The following BABAM2 variants were observed in gnomAD, a reference collection of about 807,000 sequenced individuals.
The protein encoded by BABAM2 is BRISC and BRCA1-A complex member 2.
In BABAM2, 31 loss-of-function variants were observed where a neutral mutation model predicts 54.7. The observed-to-expected ratio is 0.57, with a 90% CI of 0.43 to 0.77. The LOEUF (loss-of-function observed/expected upper bound fraction) is 0.77. Among genes scored for constraint, BABAM2 ranks in the 30% least tolerant of loss-of-function variants. The pLI, the probability that BABAM2 is intolerant of heterozygous loss-of-function variation, is 0.00. For missense variants in BABAM2, 364 were observed against 455.8 expected (o/e 0.80, Z 1.83); for synonymous variants, 167 against 162.9 (o/e 1.03, Z -0.19).
At chr2:28,057,408 T>C (rs1042495149) in intron 6 of BABAM2, among the ~76,000 whole-genome samples, 1 of 152,194 alleles carries the variant, frequency 6.6e-6, no homozygotes, top group African/African-American at 2.4e-5. Context: ...CCTTGCAACC[T>C]ATGATCCAGA....
At chr2:28,258,469 A>G (rs1684157078) in intron 10 of BABAM2, among the ~76,000 whole-genome samples, 1 of 152,148 alleles carries the variant, frequency 6.6e-6, no homozygotes, top group Non-Finnish European at 1.5e-5. Flanking sequence ...TTTAGCCATT[A>G]TAGGATATAT....
chr2:27,960,220 A>G lies in BABAM2; in HGVS notation c.206-27773A>G, dbSNP rs563785884. 2.0e-5 allele frequency among the ~76,000 whole-genome samples: 3 copies of G among 152,178 alleles called. No homozygotes were observed. In the East Asian group the frequency reaches 5.8e-4, roughly 29 times the overall value. On this transcript the variant is annotated intron_variant, in intron 3 of 11. Transcript: ENST00000379624. ...TAGAAAGTATTCAGTTTTTTTCATG[A>G]ATTCCACAGGCTAATAAACTTGATT...
At chr2:28,222,290 G>A (rs1236335159) in intron 7 of BABAM2, among the ~76,000 whole-genome samples, 4 of 152,130 alleles carry the variant, frequency 2.6e-5, no homozygotes, top group Non-Finnish European at 5.9e-5. Context: ...GATTGATGGA[G>A]AGCCCAACCA....
At chr2:28,114,445 T>C (rs1668417521) in intron 6 of BABAM2, among the ~76,000 whole-genome samples, 1 of 152,228 alleles carries the variant, frequency 6.6e-6, no homozygotes, top group African/African-American at 2.4e-5. Context: ...CCTTTCCTCA[T>C]AGGGCTCTTG....
rs185551236 is a variant in BABAM2, at chr2:27,951,453, A to C, written c.205+21545A>C. Among the ~76,000 whole-genome samples, 960 of 152,228 alleles carry C rather than the reference A, an allele frequency of 6.3e-3. 6 individuals carry two copies. Among genetic ancestry groups the C allele is most frequent in the Non-Finnish European group, 7.9e-3 (534 of 67,988 alleles). On this transcript the variant is annotated intron_variant, in intron 3 of 11. Coordinates refer to ENST00000379624, the MANE Select transcript of BABAM2 (RefSeq NM_199191.3). ...TTTCTGGATCTTTTATTGAATTTGA[A>C]TTTAAGTTTATTGTGGTCAGAGAAC... is the stretch of plus-strand genomic sequence containing the variant.
Position 28,248,208 on chromosome 2 carries a change from T to TTTTTC in BABAM2, c.934+3350_934+3351insCTTTT, listed in dbSNP as rs1491322160. On this transcript the variant is annotated intron_variant, in intron 10 of 11. Transcript: ENST00000379624. Reference sequence around the variant, plus strand: ...GTAGCTTTTGTTTATTTTCTTTTTCTTTTTTTTTTTTTTTTTTTGAGACGG... The same window carrying TTTTTC: ...GTAGCTTTTGTTTATTTTCTTTTTCTTTTTCTTTTTTTTTTTTTTTTTTGAGACGG... 2.4e-3 allele frequency among the ~76,000 whole-genome samples: 41 copies of TTTTTC among 16,838 alleles called. No homozygotes were observed. In the East Asian group the frequency reaches 0.031, roughly 13 times the overall value. 11.0% of individuals were successfully genotyped at this position (16,838 alleles called of 152,430 possible). A position where few individuals can be genotyped will look rare whatever the true frequency, so the allele number is the denominator to read the frequency against.
chr2:28,077,628 T>C (rs1245093662), intron 6 of BABAM2, among the ~76,000 whole-genome samples: 4 of 152,176 alleles, frequency 2.6e-5, no homozygotes, highest in African/African-American at 7.2e-5. Context: ...ATACTCTTCA[T>C]TGTGGGTTGT....
chr2:28,026,938 A>T (rs1176724813), intron 5 of BABAM2, among the ~76,000 whole-genome samples: 4 of 11,030 alleles, frequency 3.6e-4, no homozygotes, highest in East Asian at 0.014. Context: ...ATATATATAT[A>T]AATATATATT....
At chr2:28,140,840 A>G (rs1472965554) in intron 7 of BABAM2, among the ~76,000 whole-genome samples, 2 of 152,182 alleles carry the variant, frequency 1.3e-5, no homozygotes, top group Non-Finnish European at 2.9e-5. Context: ...TTGTCCTGCC[A>G]TAGCAAAATA....
intron 4 of BABAM2, among the ~76,000 whole-genome samples, chr2:28,005,139 T>TA (rs1673866203): frequency 6.6e-6 from 1 of 152,192 alleles, no homozygotes; most frequent in East Asian, 1.9e-4. Context: ...GTTTATATAT[T>TA]TTTATTGATA....
chr2:27,965,034 G>A (rs1250428156), intron 3 of BABAM2, among the ~76,000 whole-genome samples: 2 of 152,182 alleles, frequency 1.3e-5, no homozygotes, highest in Non-Finnish European at 2.9e-5. Context: ...TATGTTTTAA[G>A]GGATAATTGT....
chr2:28,043,688 G>A (rs1387170470), intron 5 of BABAM2, among the ~76,000 whole-genome samples: 1 of 152,158 alleles, frequency 6.6e-6, no homozygotes, highest in Admixed American at 6.5e-5. Context: ...ACCAGAGTAT[G>A]TTAGTTTTAG....
At chr2:28,194,677 G>T (rs1466045721) in intron 7 of BABAM2, among the ~76,000 whole-genome samples, 2 of 149,888 alleles carry the variant, frequency 1.3e-5, no homozygotes, top group African/African-American at 4.9e-5. Context: ...CGCCTCCTGG[G>T]TTCAAGTGAT....
chr2:27,917,086 C>T (rs1019897174), intron 2 of BABAM2, among the ~76,000 whole-genome samples: 1 of 146,400 alleles, frequency 6.8e-6, no homozygotes, highest in Non-Finnish European at 1.5e-5. Flanking sequence ...GGCACGATCT[C>T]GGCTCACTGC....
intron 3 of BABAM2, among the ~76,000 whole-genome samples, chr2:27,949,338 G>C (rs1669534284): frequency 6.6e-6 from 1 of 152,130 alleles, no homozygotes; most frequent in Non-Finnish European, 1.5e-5. Context: ...TTTGAGACCA[G>C]GCTGGCCAAC....
chr2:28,254,049 T>C (rs1267984768), intron 10 of BABAM2, among the ~76,000 whole-genome samples: 2 of 152,234 alleles, frequency 1.3e-5, no homozygotes, highest in Non-Finnish European at 2.9e-5. Flanking sequence ...TCAGTTATAA[T>C]GGTTTGTCAT....
At chr2:28,056,439 G>T (rs527524243) in intron 6 of BABAM2, among the ~76,000 whole-genome samples, 12 of 152,032 alleles carry the variant, frequency 7.9e-5, no homozygotes, top group African/African-American at 2.7e-4. Flanking sequence ...TCCTCTTTTG[G>T]CTTTCTTTTG....
intron 3 of BABAM2, among the ~76,000 whole-genome samples, chr2:27,968,870 C>T (rs534128148): frequency 3.5e-4 from 53 of 152,210 alleles, no homozygotes; most frequent in African/African-American, 1.3e-3. Flanking sequence ...CTTTGGATGC[C>T]AAAATGAGTT....
At chr2:28,245,556 A>G (rs981680400) in intron 10 of BABAM2, among the ~76,000 whole-genome samples, 2 of 152,158 alleles carry the variant, frequency 1.3e-5, no homozygotes, top group Non-Finnish European at 2.9e-5. Flanking sequence ...GAGTCTTTTT[A>G]TTTCCTGATT....
Sources: allele counts gnomAD v4.1 joint callset (sites outside exome capture counted in the v4.1 genomes callset), GRCh38; gene constraint gnomAD v4.1.1; transcripts MANE v1.5; gene names NCBI Gene and HGNC (gene_info 2026-07-23, HGNC 2026-07-21).